RIMS2: variants seen among roughly 807,000 people sequenced by gnomAD.
RIMS2 encodes the protein regulating synaptic membrane exocytosis protein 2.
RIMS2 carries 59 observed loss-of-function variants against 174.4 expected under a neutral mutation model. That is an observed-to-expected ratio of 0.34 (90% CI 0.27 to 0.42). The LOEUF is 0.42. Among genes scored for constraint, RIMS2 ranks in the 10% least tolerant of loss-of-function variants. RIMS2 has a pLI of 1.00. For missense variants in RIMS2, 1,620 were observed against 1,666.3 expected, an observed-to-expected ratio of 0.97 and a Z score of 0.48; for synonymous variants, 606 against 572.5, an observed-to-expected ratio of 1.06 and a Z score of -0.84.
intron 2 of RIMS2, among the ~76,000 whole-genome samples, chr8:103,760,763 T>G (rs984994605): frequency 6.6e-6 from 1 of 152,234 alleles, no homozygotes; most frequent in Non-Finnish European, 1.5e-5. Flanking sequence ...GTTTGCTTAT[T>G]GTCTCCCTAG....
intron 19 of RIMS2, among the ~76,000 whole-genome samples, chr8:104,032,899 G>C (rs1034092555): frequency 1.3e-5 from 2 of 151,882 alleles, no homozygotes; most frequent in African/African-American, 2.4e-5. Flanking sequence ...AGACAAGACA[G>C]ATACAGCAGT....
At chr8:103,736,010 A>C (rs1043664466) in intron 2 of RIMS2, among the ~76,000 whole-genome samples, 2 of 152,174 alleles carry the variant, frequency 1.3e-5, no homozygotes, top group Non-Finnish European at 2.9e-5. Context: ...AGGTGCTAAA[A>C]TGTAAATTAC....
rs554600186 is a variant in RIMS2 at position 104,121,408 on chromosome 8, G to A, written c.3334+106793G>A. Among the ~76,000 whole-genome samples, 15 of 152,120 alleles carry A rather than the reference G, an allele frequency of 9.9e-5. No individual in the cohort carries two copies. The South Asian group carries it at 2.9e-3, about 29-fold the overall frequency. On this transcript the variant is annotated intron_variant, in intron 19 of 23. Coordinates refer to ENST00000504942, the Ensembl canonical transcript of RIMS2. ...TAATTCTGCCATATCCTAGCATGTGGTATATCATCTCAGACCGTTACCTTT... is the reference window on the plus strand; with the variant it reads ...TAATTCTGCCATATCCTAGCATGTGATATATCATCTCAGACCGTTACCTTT...
chr8:104,146,955 T>G (rs1469072536), intron 19 of RIMS2, among the ~76,000 whole-genome samples: 1 of 152,014 alleles, frequency 6.6e-6, no homozygotes, highest in East Asian at 1.9e-4. Context: ...TCAGCCTCCC[T>G]AAGTGCTAGT....
At chr8:103,775,515 C>G (rs959116335) in intron 3 of RIMS2, among the ~76,000 whole-genome samples, 9 of 152,064 alleles carry the variant, frequency 5.9e-5, no homozygotes, top group Non-Finnish European at 1.3e-4. Context: ...ATGGCTATGT[C>G]TTTGGTGCCA....
chr8:103,730,555 T>A (rs545811092), intron 2 of RIMS2, among the ~76,000 whole-genome samples: 1 of 152,226 alleles, frequency 6.6e-6, no homozygotes, highest in Non-Finnish European at 1.5e-5. Context: ...TAGAAATTTT[T>A]TGTAGCTATT....
chr8:104,113,791 CAA>C (rs2098235496), intron 19 of RIMS2, among the ~76,000 whole-genome samples: 2 of 151,598 alleles, frequency 1.3e-5, no homozygotes, highest in Non-Finnish European at 2.9e-5. Flanking sequence ...CTGCTGATCC[CAA>C]ATTATGTTTT....
At chr8:103,944,534 C>A (rs369182342) in intron 14 of RIMS2, among the ~76,000 whole-genome samples, 2 of 151,960 alleles carry the variant, frequency 1.3e-5, no homozygotes, top group Admixed American at 6.6e-5. Flanking sequence ...ATACCTGAAA[C>A]GCTTAAATCT....
chr8:103,606,031 G>C (rs2095059445), intron 1 of RIMS2, among the ~76,000 whole-genome samples: 1 of 145,376 alleles, frequency 6.9e-6, no homozygotes, highest in Non-Finnish European at 1.5e-5. Flanking sequence ...GTTATTTCTT[G>C]CCTTCTGCTA....
At chr8:103,778,083 TA>T (rs912611695) in intron 3 of RIMS2, among the ~76,000 whole-genome samples, 3 of 151,964 alleles carry the variant, frequency 2.0e-5, no homozygotes, top group Non-Finnish European at 4.4e-5. Context: ...AGGTTAGAAG[TA>T]AAAAAATGGA....
intron 2 of RIMS2, among the ~76,000 whole-genome samples, chr8:103,752,813 T>C (rs537014786): frequency 1.1e-4 from 17 of 152,202 alleles, no homozygotes; most frequent in Non-Finnish European, 2.1e-4. Flanking sequence ...AAGTTACTTA[T>C]CAGCTTAAGG....
At chr8:103,773,302 G>A (rs969539248) in intron 3 of RIMS2, among the ~76,000 whole-genome samples, 58 of 152,212 alleles carry the variant, frequency 3.8e-4, no homozygotes, top group African/African-American at 1.4e-3. Flanking sequence ...GATATATAAA[G>A]CACTCTTAAA....
chr8:103,621,268 C>A (rs184900497), intron 1 of RIMS2, among the ~76,000 whole-genome samples: 13 of 152,336 alleles, frequency 8.5e-5, no homozygotes, highest in African/African-American at 2.4e-4. Flanking sequence ...ACAAAGGAGA[C>A]AGGGTCATTG....
At chr8:103,683,090 C>T (rs2096899506) in intron 1 of RIMS2, among the ~76,000 whole-genome samples, 2 of 152,064 alleles carry the variant, frequency 1.3e-5, no homozygotes, top group Admixed American at 6.6e-5. Context: ...AGTTTCTGTT[C>T]CAGTGTTCCT....
At chr8:104,096,031 A>G (rs2097756965) in intron 19 of RIMS2, among the ~76,000 whole-genome samples, 1 of 152,166 alleles carries the variant, frequency 6.6e-6, no homozygotes, top group South Asian at 2.1e-4. Context: ...GTAATTTCAA[A>G]TCTGTCTTTG....
At chr8:103,675,493 G>T (rs1486216149) in intron 1 of RIMS2, among the ~76,000 whole-genome samples, 2 of 152,150 alleles carry the variant, frequency 1.3e-5, no homozygotes, top group Non-Finnish European at 2.9e-5. Flanking sequence ...ATATCTTCAG[G>T]TCTTACCTTG....
chr8:103,918,610 C>A, intron 9 of RIMS2, 123 bp downstream of exon 12: 8 of 695,234 alleles, frequency 1.2e-5, no homozygotes, highest in South Asian at 5.4e-5. Context: ...AGTCTGTAAG[C>A]ATATAAAGAT....
chr8:104,022,928 G>A (rs888224116), intron 19 of RIMS2, among the ~76,000 whole-genome samples: 7 of 151,644 alleles, frequency 4.6e-5, no homozygotes, highest in African/African-American at 1.7e-4. Context: ...TGAGAACTCT[G>A]TACATATTTC....
intron 2 of RIMS2, among the ~76,000 whole-genome samples, chr8:103,747,720 C>T (rs1488436282): frequency 1.3e-5 from 2 of 151,940 alleles, no homozygotes; most frequent in Non-Finnish European, 2.9e-5. Context: ...GATTTTTGGC[C>T]TGAGGCAAAC....
Sources: allele counts gnomAD v4.1 joint callset (sites outside exome capture counted in the v4.1 genomes callset), GRCh38; gene constraint gnomAD v4.1.1; transcripts MANE v1.5; gene names NCBI Gene and HGNC (gene_info 2026-07-23, HGNC 2026-07-21).